The following ROBO2 variants were observed in gnomAD, a reference collection of about 807,000 sequenced individuals.
The protein encoded by ROBO2 is roundabout homolog 2.
A neutral mutation model predicts 160.8 loss-of-function variants in ROBO2; 53 were observed. That is an observed-to-expected ratio of 0.33 (90% CI 0.26 to 0.41). ROBO2 has a LOEUF of 0.41. Among genes scored for constraint, ROBO2 ranks in the 10% least tolerant of loss-of-function variants. The probability of loss-of-function intolerance (pLI) is 1.00; values close to 1 mark genes in which losing one functional copy is unlikely to be tolerated. For missense variants in ROBO2, 1,577 were observed against 1,722.4 expected (o/e 0.92, Z 1.49); for synonymous variants, 664 against 611.7 (o/e 1.09, Z -1.26).
intron 2 of ROBO2, among the ~76,000 whole-genome samples, chr3:76,745,201 T>A (rs1315428111): frequency 6.6e-6 from 1 of 152,096 alleles, no homozygotes. Flanking sequence ...TACCAATATA[T>A]CTCTATATTG....
intron 2 of ROBO2, among the ~76,000 whole-genome samples, chr3:76,036,873 C>T (rs946886384): frequency 1.4e-4 from 22 of 152,022 alleles, no homozygotes; most frequent in Non-Finnish European, 3.1e-4. Flanking sequence ...TCTCTATTCA[C>T]CTCGAAAATT....
At chr3:77,405,452 A>G (rs2153516010) in intron 2 of ROBO2, among the ~76,000 whole-genome samples, 1 of 152,224 alleles carries the variant, frequency 6.6e-6, no homozygotes, top group South Asian at 2.1e-4. Context: ...TCATATTCTA[A>G]TTATGATTAA....
At chr3:76,103,329 T>C (rs1245849187) in intron 2 of ROBO2, among the ~76,000 whole-genome samples, 1 of 152,176 alleles carries the variant, frequency 6.6e-6, no homozygotes, top group East Asian at 1.9e-4. Flanking sequence ...GAAAAGAAGA[T>C]AGGAGCTGTT....
At chr3:77,344,119 C>T (rs769016875) in intron 2 of ROBO2, among the ~76,000 whole-genome samples, 3 of 151,982 alleles carry the variant, frequency 2.0e-5, no homozygotes, top group Admixed American at 6.6e-5. Flanking sequence ...GATGGGCTAC[C>T]GTGAGCCTCC....
At chr3:76,667,701 C>CT (rs773078901) in intron 2 of ROBO2, among the ~76,000 whole-genome samples, 41,519 of 151,544 alleles carry the variant, frequency 0.27, 6,204 homozygotes, top group East Asian at 0.52. Flanking sequence ...TAGCAGTGAT[C>CT]AGACTTTTTG....
chr3:77,429,687 A>T (rs1395897586), intron 2 of ROBO2, among the ~76,000 whole-genome samples: 1 of 151,400 alleles, frequency 6.6e-6, no homozygotes, highest in African/African-American at 2.4e-5. Flanking sequence ...TGAGAATCAG[A>T]CCTAGAAAGT....
At chr3:76,553,371 A>T (rs1578102104) in intron 2 of ROBO2, among the ~76,000 whole-genome samples, 1 of 152,284 alleles carries the variant, frequency 6.6e-6, no homozygotes, top group East Asian at 1.9e-4. Context: ...ATCATATGTC[A>T]CATGCTACCC....
At chr3:76,425,013 T>A (rs1047331291) in intron 2 of ROBO2, among the ~76,000 whole-genome samples, 75 of 152,092 alleles carry the variant, frequency 4.9e-4, no homozygotes, top group Non-Finnish European at 6.8e-4. Context: ...TCTAAATCAA[T>A]AATAACACAG....
At chr3:77,109,169 G>A (rs2073240755) in intron 2 of ROBO2, among the ~76,000 whole-genome samples, 2 of 152,194 alleles carry the variant, frequency 1.3e-5, no homozygotes, top group African/African-American at 4.8e-5. Flanking sequence ...GTTTGCTAGA[G>A]TTTTGTACAG....
intron 6 of ROBO2, among the ~76,000 whole-genome samples, chr3:77,527,032 C>T (rs1038042887): frequency 6.6e-6 from 1 of 151,448 alleles, no homozygotes; most frequent in African/African-American, 2.4e-5. Context: ...CTTTTATTGA[C>T]ATGACATTTG....
intron 2 of ROBO2, among the ~76,000 whole-genome samples, chr3:76,260,070 A>G (rs891791222): frequency 3.3e-5 from 5 of 152,194 alleles, no homozygotes; most frequent in African/African-American, 1.2e-4. Flanking sequence ...GTCCAGACCT[A>G]GACAACACAT....
chr3:77,037,430 A>C (rs921744970), upstream of ROBO2, among the ~76,000 whole-genome samples: 1 of 152,208 alleles, frequency 6.6e-6, no homozygotes, highest in Non-Finnish European at 1.5e-5. Flanking sequence ...TTGCTTTGTC[A>C]CTTTTAATAG....
intron 2 of ROBO2, among the ~76,000 whole-genome samples, chr3:76,019,659 A>G (rs1382391438): frequency 6.6e-6 from 1 of 151,774 alleles, no homozygotes; most frequent in Admixed American, 6.6e-5. Context: ...ATCTGAGAAT[A>G]CTGTGTATTT....
At chr3:76,309,850 G>T (rs1052959248) in intron 2 of ROBO2, among the ~76,000 whole-genome samples, 1 of 152,136 alleles carries the variant, frequency 6.6e-6, no homozygotes, top group African/African-American at 2.4e-5. Flanking sequence ...TTGAGACAGT[G>T]TCTTGCTCTA....
At chr3:76,194,489 A>G (rs1315723731) in intron 2 of ROBO2, among the ~76,000 whole-genome samples, 1 of 151,066 alleles carries the variant, frequency 6.6e-6, no homozygotes, top group Non-Finnish European at 1.5e-5. Context: ...ATCATTCAAG[A>G]GTCTTATTGC....
At chr3:76,630,021 G>GT (rs1349508514) in intron 2 of ROBO2, among the ~76,000 whole-genome samples, 1 of 152,100 alleles carries the variant, frequency 6.6e-6, no homozygotes, top group Non-Finnish European at 1.5e-5. Flanking sequence ...CTGAGTAGTT[G>GT]TTTTTTGCTG....
At chr3:77,028,634 C>T (rs1372521163) in intron 2 of ROBO2, among the ~76,000 whole-genome samples, 6 of 152,174 alleles carry the variant, frequency 3.9e-5, no homozygotes, top group African/African-American at 1.4e-4. Context: ...GCAGGAGAAT[C>T]GCTTGAACCT....
chr3:76,094,087 G>A (rs186904864), intron 2 of ROBO2, among the ~76,000 whole-genome samples: 1 of 152,026 alleles, frequency 6.6e-6, no homozygotes, highest in Non-Finnish European at 1.5e-5. Context: ...GGAAGAATAG[G>A]GGAATGTGCT....
intron 2 of ROBO2, among the ~76,000 whole-genome samples, chr3:77,359,372 T>C (rs2069596873): frequency 6.6e-6 from 1 of 152,146 alleles, no homozygotes; most frequent in African/African-American, 2.4e-5. Context: ...CAGAACCATA[T>C]AGCATAAAAC....
Sources: allele counts gnomAD v4.1 joint callset (sites outside exome capture counted in the v4.1 genomes callset), GRCh38; gene constraint gnomAD v4.1.1; transcripts MANE v1.5; gene names NCBI Gene and HGNC (gene_info 2026-07-23, HGNC 2026-07-21).